Variants in ENTPD3 observed in about 807,000 individuals in gnomAD.
ENTPD3 encodes ectonucleoside triphosphate diphosphohydrolase 3.
A neutral mutation model predicts 51.2 loss-of-function variants in ENTPD3; 60 were observed. That is an observed-to-expected ratio of 1.17 (90% CI 0.95 to 1.45). The LOEUF (loss-of-function observed/expected upper bound fraction) is 1.45. ENTPD3 is among the 40% of genes most tolerant of loss of function. The pLI is 0.00. For synonymous variants in ENTPD3, 221 were observed against 238.4 expected, an observed-to-expected ratio of 0.93 and a Z score of 0.67; for missense variants, 593 against 641.1, an observed-to-expected ratio of 0.93 and a Z score of 0.81.
At chr3:40,424,732 T>C in intron 10 of ENTPD3, 2 of 702,166 alleles carry the variant, frequency 2.8e-6, no homozygotes, top group Non-Finnish European at 5.2e-6. Flanking sequence ...GCCAGCACTA[T>C]GTTCCCCAGG....
intron 5 of ENTPD3, 66 bp downstream of exon 5, chr3:40,412,028 C>A: frequency 7.0e-7 from 1 of 1,434,920 alleles, no homozygotes; most frequent in South Asian, 1.5e-5. Flanking sequence ...TGAATCTTGC[C>A]AAGAATGTAA....
intron 7 of ENTPD3, among the ~76,000 whole-genome samples, chr3:40,421,025 A>AAT (rs1281897756): frequency 2.5e-4 from 36 of 142,206 alleles, no homozygotes; most frequent in African/African-American, 8.9e-4. Context: ...ATTAATTTAA[A>AAT]TTTTTTTTTT....
chr3:40,425,357 C>T (rs999025961), intron 10 of ENTPD3, among the ~76,000 whole-genome samples: 3 of 151,420 alleles, frequency 2.0e-5, no homozygotes, highest in Admixed American at 6.6e-5. Context: ...TGAAGGTTGC[C>T]GTGAGCCGAG....
At chr3:40,425,687 A>G (rs1238557926) in intron 10 of ENTPD3, among the ~76,000 whole-genome samples, 1 of 152,064 alleles carries the variant, frequency 6.6e-6, no homozygotes, top group Non-Finnish European at 1.5e-5. Context: ...ATTTGAGGTC[A>G]GGAGTTCGAG....
intron 5 of ENTPD3, among the ~76,000 whole-genome samples, chr3:40,414,066 C>T (rs556913645): frequency 7.2e-5 from 11 of 152,246 alleles, no homozygotes; most frequent in African/African-American, 1.2e-4. Context: ...AGCAGATGGA[C>T]GCCATAACAT....
At chr3:40,397,138 T>TTTTTTTTC (rs1955224466) in intron 3 of ENTPD3, among the ~76,000 whole-genome samples, 5 of 147,756 alleles carry the variant, frequency 3.4e-5, no homozygotes, top group Non-Finnish European at 1.5e-5. Flanking sequence ...TTTTTTTTTT[T>TTTTTTTTC]TCAGAAAGCC....
chr3:40,415,887 GGGTGCCCTGGACTTAGGT>G lies in ENTPD3; in HGVS notation c.652_669del (p.Leu218_Ala223del). 1 of 1,614,072 alleles carries G rather than the reference GGGTGCCCTGGACTTAGGT, an allele frequency of 6.2e-7. No individual in the cohort carries two copies. Among genetic ancestry groups the G allele is most frequent in the Non-Finnish European group, 8.5e-7 (1 of 1,179,994 alleles). ...TGCACCCGCATGGAGTGGAAACCACGGGTGCCCTGGACTTAGGTGGTGCCTCCACCCAAATATCCTTCG... is the reference window on the plus strand; with the variant it reads ...TGCACCCGCATGGAGTGGAAACCACGGGTGCCTCCACCCAAATATCCTTCG... On this transcript the variant is annotated inframe_deletion, in exon 7 of 11. Transcript: ENST00000301825.
At chr3:40,412,365 C>T (rs1955655055) in intron 5 of ENTPD3, among the ~76,000 whole-genome samples, 1 of 152,208 alleles carries the variant, frequency 6.6e-6, no homozygotes, top group African/African-American at 2.4e-5. Context: ...CAAAATACCA[C>T]TGAAATCTGC....
rs1162328557 is a variant in ENTPD3, at chr3:40,423,277, T to C, written c.1105-14T>C. ...TTCTGAGAACTAATTTTCTTCTGTA[T>C]TACTTATTTCCAGGCTTTTGCAGGA... On this transcript the variant is annotated splice_polypyrimidine_tract_variant and intron_variant, in intron 8 of 10. Coordinates refer to ENST00000301825, the MANE Select transcript of ENTPD3 (RefSeq NM_001248.4). 1.1e-5 allele frequency: 17 copies of C among 1,605,066 alleles called. No homozygotes were observed. Among genetic ancestry groups the C allele is most frequent in the African/African-American group, 2.7e-5 (2 of 74,690 alleles).
intron 3 of ENTPD3, among the ~76,000 whole-genome samples, chr3:40,396,541 G>A (rs1955204939): frequency 6.6e-6 from 1 of 152,096 alleles, no homozygotes; most frequent in South Asian, 2.1e-4. Context: ...CCTAACCCTG[G>A]TTTATGTGAG....
intron 3 of ENTPD3, among the ~76,000 whole-genome samples, chr3:40,392,844 C>G (rs976356102): frequency 6.6e-6 from 1 of 151,922 alleles, no homozygotes; most frequent in Non-Finnish European, 1.5e-5. Context: ...ACCAGGAGAC[C>G]CAGGCACCTC....
chr3:40,426,394 C>A (rs1022766719), intron 10 of ENTPD3, among the ~76,000 whole-genome samples: 1 of 151,640 alleles, frequency 6.6e-6, no homozygotes, highest in African/African-American at 2.4e-5. Context: ...CGTGAGCCAC[C>A]ATGACTGGCC....
At chr3:40,405,331 T>C (rs1306548703) in intron 4 of ENTPD3, among the ~76,000 whole-genome samples, 1 of 151,624 alleles carries the variant, frequency 6.6e-6, no homozygotes, top group African/African-American at 2.4e-5. Flanking sequence ...ATGATGAAAC[T>C]CCATCTCTAC....
chr3:40,427,126 G>T (rs1575237900), intron 10 of ENTPD3, 146 bp from the exon 11 acceptor site: 2 of 661,248 alleles, frequency 3.0e-6, no homozygotes, highest in East Asian at 2.5e-5. Flanking sequence ...CTACAGTGTG[G>T]TGTCTTAACT....
intron 5 of ENTPD3, 126 bp from the exon 6 acceptor site, chr3:40,414,555 C>A: frequency 9.4e-7 from 1 of 1,060,506 alleles, no homozygotes; most frequent in Non-Finnish European, 1.4e-6. Flanking sequence ...CAGCACACAT[C>A]TGGAAAATCA....
At chr3:40,402,602 A>C (rs1559510756) in intron 4 of ENTPD3, among the ~76,000 whole-genome samples, 1 of 152,134 alleles carries the variant, frequency 6.6e-6, no homozygotes, top group Non-Finnish European at 1.5e-5. Flanking sequence ...AATATTCTAA[A>C]TATGAATTCT....
intron 2 of ENTPD3, 130 bp from the exon 3 acceptor site, chr3:40,391,893 T>C: frequency 2.0e-6 from 2 of 1,019,086 alleles, no homozygotes; most frequent in South Asian, 2.8e-5. Flanking sequence ...CTTAGAAGTG[T>C]GGGTCTCGCT....
chr3:40,422,175 A>C (rs984499465), intron 7 of ENTPD3, among the ~76,000 whole-genome samples: 9 of 151,426 alleles, frequency 5.9e-5, no homozygotes, highest in African/African-American at 1.9e-4. Flanking sequence ...TCCCACCCCT[A>C]CTTGAATTAT....
chr3:40,404,916 C>T (rs962682145), intron 4 of ENTPD3, among the ~76,000 whole-genome samples: 8 of 152,200 alleles, frequency 5.3e-5, no homozygotes, highest in African/African-American at 1.9e-4. Context: ...CCAGTTGCTA[C>T]TGTTTTCCAT....
Sources: gnomAD v4.1 joint callset for allele counts (sites outside exome capture counted in the v4.1 genomes callset) on GRCh38, gnomAD v4.1.1 for gene constraint, MANE v1.5 for transcripts, NCBI Gene and HGNC (gene_info 2026-07-23, HGNC 2026-07-21) for gene names.